The following AATK variants were observed in gnomAD, a reference collection of about 807,000 sequenced individuals.
AATK encodes serine/threonine-protein kinase LMTK1.
A neutral mutation model predicts 114.3 loss-of-function variants in AATK; 91 were observed. The ratio of observed to expected loss-of-function variants is 0.80; its 90% confidence interval spans 0.67 to 0.95. The LOEUF is 0.95. Ranked by LOEUF, AATK falls within the 40% of genes least tolerant of loss-of-function variation. The probability of loss-of-function intolerance (pLI) is 0.00; values close to 1 mark genes in which losing one functional copy is unlikely to be tolerated. For missense variants in AATK, 2,176 were observed against 1,965.2 expected, an observed-to-expected ratio of 1.11 and a Z score of -2.03; for synonymous variants, 1,075 against 916.5, an observed-to-expected ratio of 1.17 and a Z score of -3.12.
rs2060677345 is a variant in AATK at position 81,119,955 on chromosome 17, AT to A, written c.3863del (p.Asn1288MetfsTer19). ...GCTCACCCTCTTCCGCTGTGGAGCCATTTGGGGAGCCATCAGCCTGCTGCGG... is the reference window on the plus strand; with the variant it reads ...GCTCACCCTCTTCCGCTGTGGAGCCATTGGGGAGCCATCAGCCTGCTGCGG... Reference protein sequence around the residue: ...NRPQQADGSPNGSTAEEGGGF... With the variant: ...NRPQQADGSPXGSTAEEGGGF... On this transcript the variant is annotated frameshift_variant, in exon 12 of 14. Coordinates refer to ENST00000326724, the MANE Select transcript of AATK (RefSeq NM_001080395.3). LOFTEE classifies it high-confidence loss of function. The A allele has an allele frequency of 1.4e-6, 2 of 1,447,634 alleles. No homozygotes were observed. The highest frequency in any genetic ancestry group is 1.8e-6 in the Non-Finnish European group (2 of 1,102,096). 89.7% of individuals were successfully genotyped at this position (1,447,634 alleles called of 1,614,324 possible).
Position 81,122,339 on chromosome 17 carries a change from G to A in AATK, c.1597C>T (p.Arg533Cys), listed in dbSNP as rs2060710447. The A allele has an allele frequency of 2.6e-6, 4 of 1,512,210 alleles. No homozygotes were observed. Among genetic ancestry groups the A allele is most frequent in the African/African-American group, 2.8e-5 (2 of 70,264 alleles). 93.7% of individuals were successfully genotyped at this position (1,512,210 alleles called of 1,614,324 possible). Residue 533 changes from arginine to cysteine, a missense_variant, in exon 11 of 14, where the codon CGC becomes TGC. By Grantham distance (180) the Arg-to-Cys change is radical. Around this residue, in one of 4 missense-constraint regions of AATK, gnomAD observed 1,701 missense variants for 1,394.7 expected, o/e 1.22. Coordinates refer to ENST00000326724, the MANE Select transcript of AATK (RefSeq NM_001080395.3). ...GCGGCGGGTGCGGCCTCCTCTAGGCGGATGAAGTACTCGCTGCCCAGCGAC... is the reference window on the plus strand; with the variant it reads ...GCGGCGGGTGCGGCCTCCTCTAGGCAGATGAAGTACTCGCTGCCCAGCGAC... ...SPSLGSEYFI[R>C]LEEAAPAAGH... is the part of the protein sequence containing the mutation.
intron 1 of AATK, among the ~76,000 whole-genome samples, chr17:81,146,188 TAA>T (rs34197372): frequency 5.6e-5 from 7 of 124,608 alleles, no homozygotes; most frequent in Admixed American, 8.3e-5. Context: ...GACTCCATAT[TAA>T]AAAAAAAAAA....
intron 9 of AATK, among the ~76,000 whole-genome samples, chr17:81,124,208 G>A (rs990558513): frequency 6.6e-6 from 1 of 152,102 alleles, no homozygotes. Context: ...GGCAGGGAGG[G>A]GCGCCCACCC....
Position 81,118,222 on chromosome 17 carries a change from C to G in AATK, c.*180G>C. The stretch of plus-strand genomic sequence containing the variant: ...GCCTCTGGGGCGGAGCATGGCCGAT[C>G]TACCATCCAGGGCCTCTCATCCCAC... On this transcript the variant is annotated 3_prime_UTR_variant, in exon 14 of 14. Transcript: ENST00000326724. 1.6e-6 allele frequency: 1 copy of G among 621,494 alleles called. No individual in the cohort carries two copies. The highest frequency in any genetic ancestry group is 2.0e-5 in the South Asian group (1 of 49,022). 38.5% of individuals were successfully genotyped at this position (621,494 alleles called of 1,614,324 possible). A position where few individuals can be genotyped will look rare whatever the true frequency, so the allele number is the denominator to read the frequency against.
intron 1 of AATK, among the ~76,000 whole-genome samples, chr17:81,138,969 G>C (rs560367283): frequency 6.8e-6 from 1 of 147,250 alleles, no homozygotes; most frequent in African/African-American, 2.5e-5. Context: ...ACGTGCGCGC[G>C]CACCCACACC....
At chr17:81,160,866 C>T (rs893225434) in intron 1 of AATK, among the ~76,000 whole-genome samples, 81 of 152,168 alleles carry the variant, frequency 5.3e-4, no homozygotes, top group Non-Finnish European at 5.9e-4. Context: ...GGCTCACCGC[C>T]GACACCACAT....
chr17:81,122,074 T>C lies in AATK; in HGVS notation c.1862A>G (p.Glu621Gly), dbSNP rs1262842833. The C allele has an allele frequency of 3.8e-6, 6 of 1,583,934 alleles. No homozygotes were observed. The Admixed American group carries it at 1.0e-4, about 27-fold the overall frequency. Residue 621 changes from glutamate to glycine, a missense_variant, in exon 11 of 14, where the codon GAG (glutamate) becomes GGG (glycine). By Grantham distance (98) the Glu-to-Gly change is moderately conservative (BLOSUM62 -2). Transcript: ENST00000326724. ...CCAGTCTGCATCCTCCGCTCCTCCC[T>C]CCGCCAGACTCAGGGGCCCCGCCGA... ...SPSAGPLSLA[E>G]GGAEDADWGV...
chr17:81,152,447 T>C (rs2061310929), intron 1 of AATK, among the ~76,000 whole-genome samples: 1 of 151,650 alleles, frequency 6.6e-6, no homozygotes, highest in Non-Finnish European at 1.5e-5. Flanking sequence ...CATCCAGCAG[T>C]GTGACTCGAA....
chr17:81,124,686 T>G (rs762795942), intron 9 of AATK, 41 bp downstream of exon 9: 1 of 1,600,062 alleles, frequency 6.2e-7, no homozygotes, highest in Non-Finnish European at 8.5e-7. Flanking sequence ...CAGGTGGCAC[T>G]CGGCCTCGGC....
rs1028644393 is a variant in AATK at position 81,121,830 on chromosome 17, G to T, written c.2106C>A (p.Gly702=). 5 of 1,591,112 alleles carry T rather than the reference G, an allele frequency of 3.1e-6. No individual in the cohort carries two copies. The highest frequency in any genetic ancestry group is 3.4e-5 in the Admixed American group (2 of 59,098). The change falls in exon 11 of 14, where the codon GGC becomes GGA. Residue 702 remains glycine, a synonymous_variant. Transcript: ENST00000326724. ...GACTGGGGCAGCCCTCAGCGTGGCC[G>T]CCCGCAGAGACGGGGTCCCAGGACT... ...CPESWDPVSA[G]GHAEGCPSPK... is the part of the protein sequence containing the mutation.
intron 2 of AATK, chr17:81,132,127 G>A (rs2060942894): frequency 2.2e-6 from 2 of 892,984 alleles, no homozygotes; most frequent in Non-Finnish European, 3.0e-6. Context: ...CCAAAGTCCT[G>A]GGCCCAGCTG....
intron 9 of AATK, among the ~76,000 whole-genome samples, chr17:81,123,943 C>T (rs1310022204): frequency 1.3e-5 from 2 of 152,176 alleles, no homozygotes; most frequent in African/African-American, 4.8e-5. Flanking sequence ...AAGACGTCAC[C>T]ATGACCTTGG....
intron 1 of AATK, among the ~76,000 whole-genome samples, chr17:81,140,827 G>T (rs1439834581): frequency 3.0e-4 from 34 of 113,910 alleles, no homozygotes; most frequent in East Asian, 2.3e-3. Context: ...CGTGGGGCCG[G>T]GAGACCGTGG....
chr17:81,140,895 T>TGTGAGCC lies in AATK; in HGVS notation c.56-6401_56-6395dup, dbSNP rs1263616657. Reference sequence around the variant, plus strand: ...CCGTGGGGCCGTGGGGACCGTGAGCTGTGAGCCGTGGGGCCGTGGGGCCGT... The same window carrying TGTGAGCC: ...CCGTGGGGCCGTGGGGACCGTGAGCTGTGAGCCGTGAGCCGTGGGGCCGTGGGGCCGT... On this transcript the variant is annotated intron_variant, in intron 1 of 13. Coordinates refer to ENST00000326724, the MANE Select transcript of AATK (RefSeq NM_001080395.3). Among the ~76,000 whole-genome samples, 61 of 65,472 alleles carry TGTGAGCC rather than the reference T, an allele frequency of 9.3e-4. 2 individuals are homozygous for TGTGAGCC. Among genetic ancestry groups the TGTGAGCC allele is most frequent in the South Asian group, 4.9e-3 (8 of 1,636 alleles). The allele number at this position is 65,472 out of a possible 152,430, so 43.0% of individuals were successfully genotyped here. A position where few individuals can be genotyped will look rare whatever the true frequency, so the allele number is the denominator to read the frequency against.
Position 81,126,412 on chromosome 17 carries a change from C to T in AATK, c.755+15G>A, listed in dbSNP as rs753652479. ...GCCTAGGGCTTCCCGGCCGCTGGCC[C>T]GCGCCCGCCCTCACCTGTGCACGAA... is the stretch of plus-strand genomic sequence containing the variant. On this transcript the variant is annotated intron_variant, in intron 7 of 13. Coordinates refer to ENST00000326724, the MANE Select transcript of AATK (RefSeq NM_001080395.3). The surrounding 1 kb of genome is among the most constrained non-coding windows in gnomAD (Gnocchi z 5.1). 20 of 1,550,830 alleles carry T rather than the reference C, an allele frequency of 1.3e-5. No individual in the cohort carries two copies. Among genetic ancestry groups the T allele is most frequent in the African/African-American group, 9.6e-5 (7 of 73,236 alleles).
intron 1 of AATK, among the ~76,000 whole-genome samples, chr17:81,158,124 C>T (rs2061388739): frequency 1.3e-5 from 2 of 152,222 alleles, no homozygotes; most frequent in Non-Finnish European, 1.5e-5. Context: ...TATTTCTAGA[C>T]AAGACTTGCA....
intron 2 of AATK, among the ~76,000 whole-genome samples, chr17:81,132,424 G>A (rs549132540): frequency 1.2e-4 from 19 of 152,324 alleles, no homozygotes; most frequent in Admixed American, 2.6e-4. Flanking sequence ...CGGTATTCCC[G>A]CAGGCCAGGC....
chr17:81,163,523 A>G (rs2061449313), intron 1 of AATK, among the ~76,000 whole-genome samples: 1 of 152,240 alleles, frequency 6.6e-6, no homozygotes, highest in South Asian at 2.1e-4. Flanking sequence ...CCGAGGCCAC[A>G]CAGCACAGAG....
intron 1 of AATK, chr17:81,160,349 C>T (rs1336508696): frequency 2.9e-6 from 2 of 694,886 alleles, no homozygotes; most frequent in Non-Finnish European, 3.5e-6. Context: ...CCCCTGACCC[C>T]AGGCCCCGGT....
Sources: allele counts gnomAD v4.1 joint callset (sites outside exome capture counted in the v4.1 genomes callset), GRCh38; gene constraint gnomAD v4.1.1; regional missense constraint gnomAD v4.1.1; non-coding constraint Gnocchi (gnomAD v3.1); transcripts MANE v1.5; gene names NCBI Gene and HGNC (gene_info 2026-07-23, HGNC 2026-07-21).